Variants in PAPOLG observed in about 807,000 individuals in gnomAD.
The protein encoded by PAPOLG is poly(A) polymerase gamma.
Under a neutral mutation model 99.0 loss-of-function variants are expected in PAPOLG, and 40 were observed. The observed-to-expected ratio is 0.40, with a 90% CI of 0.31 to 0.53. The LOEUF is 0.53. PAPOLG is among the 20% of genes least tolerant of loss of function. PAPOLG has a pLI of 0.41. For synonymous variants in PAPOLG, 310 were observed against 299.3 expected (o/e 1.04, Z -0.37); for missense variants, 675 against 884.1 (o/e 0.76, Z 3.00).
At chr2:60,768,913 T>C in intron 5 of PAPOLG, 23 bp downstream of exon 5, 1 of 1,504,928 alleles carries the variant, frequency 6.6e-7, no homozygotes. Context: ...TGGCATTTAA[T>C]ATTTTGAATT....
At position 60,795,294 on chromosome 2, in the gene PAPOLG, A is replaced by G. The variant is rs1032703141; in HGVS notation, c.2112+274A>G. The G allele has an allele frequency of 1.2e-5, 7 of 567,520 alleles. No individual in the cohort carries two copies. The African/African-American group carries it at 1.3e-4, about 10-fold the overall frequency. 35.2% of individuals were successfully genotyped at this position (567,520 alleles called of 1,614,324 possible). On this transcript the variant is annotated intron_variant, in intron 21 of 21. Coordinates refer to ENST00000238714, the MANE Select transcript of PAPOLG (RefSeq NM_022894.4). ...CTTTGTTTTTTATCTTTAAAGAAGC[A>G]GTTGGATGCTCAGCACATTAATTTC...
Position 60,779,692 on chromosome 2 carries a change from G to A in PAPOLG, c.750G>A (p.Met250Ile). Residue 250 changes from methionine (M) to isoleucine (I), a missense_variant, in exon 9 of 22, where the codon ATG becomes ATA. Met to Ile is a conservative substitution (Grantham distance 10). This residue lies in a region of PAPOLG where 113 missense variants were observed against 231.5 expected (regional missense o/e 0.49). Coordinates refer to ENST00000238714, the MANE Select transcript of PAPOLG (RefSeq NM_022894.4). ...LGFLGGVSWAMLVARTCQLYP... is the reference protein window; with the variant it reads ...LGFLGGVSWAILVARTCQLYP... The stretch of plus-strand genomic sequence containing the variant: ...TCCTTGGTGGTGTCTCCTGGGCAAT[G>A]CTAGTTGCAAGAACTTGCCAATTGT... 6.2e-7 allele frequency: 1 copy of A among 1,613,808 alleles called. No individual in the cohort carries two copies. Among genetic ancestry groups the A allele is most frequent in the Non-Finnish European group, 8.5e-7 (1 of 1,179,720 alleles).
At chr2:60,789,033 T>G (rs571477236) in intron 15 of PAPOLG, among the ~76,000 whole-genome samples, 1 of 152,116 alleles carries the variant, frequency 6.6e-6, no homozygotes, top group African/African-American at 2.4e-5. Context: ...CGTAGGGACA[T>G]GGATGAAATT....
At chr2:60,795,711 C>T (rs1346001122) in intron 21 of PAPOLG, among the ~76,000 whole-genome samples, 2 of 151,322 alleles carry the variant, frequency 1.3e-5, no homozygotes, top group East Asian at 3.9e-4. Context: ...AACAGAATGG[C>T]CATTAAATAG....
At chr2:60,763,465 C>T (rs1194111070) in intron 3 of PAPOLG, among the ~76,000 whole-genome samples, 1 of 152,060 alleles carries the variant, frequency 6.6e-6, no homozygotes. Flanking sequence ...GATGTGGAAA[C>T]TGCAGATACG....
At chr2:60,780,287 T>C (rs571440754) in intron 9 of PAPOLG, among the ~76,000 whole-genome samples, 4 of 151,652 alleles carry the variant, frequency 2.6e-5, no homozygotes, top group Non-Finnish European at 4.4e-5. Flanking sequence ...CTTTTTTTTT[T>C]TTTTTTTAAT....
At chr2:60,782,585 G>A in intron 11 of PAPOLG, 101 bp from the exon 12 acceptor site, 2 of 1,354,852 alleles carry the variant, frequency 1.5e-6, no homozygotes, top group Non-Finnish European at 1.9e-6. Context: ...ATTTCGTCTG[G>A]TGGAGTTTGA....
At chr2:60,791,988 A>T in intron 16 of PAPOLG, 106 bp downstream of exon 16, 1 of 1,469,366 alleles carries the variant, frequency 6.8e-7, no homozygotes, top group Non-Finnish European at 9.2e-7. Context: ...AATAAGGAAG[A>T]TATAGGCAGT....
At position 60,779,770 on chromosome 2, in the gene PAPOLG, C is replaced by G; in HGVS notation, c.828C>G (p.Ser276=). 6.2e-7 allele frequency: 1 copy of G among 1,612,434 alleles called. No homozygotes were observed. Among genetic ancestry groups the G allele is most frequent in the Non-Finnish European group, 8.5e-7 (1 of 1,178,704 alleles). ...TTCATAAGTTCTTTTTAGTTTTTTC[C>G]AAGTGGTAAGTATTTACGTGTGTAC... ...TLVHKFFLVF[S]KWEWPNPVLL... is the part of the protein sequence containing the mutation. Residue 276 remains serine (S), a synonymous_variant, in exon 9 of 22, where the codon TCC becomes TCG. Coordinates refer to ENST00000238714, the MANE Select transcript of PAPOLG (RefSeq NM_022894.4).
Position 60,792,220 on chromosome 2 carries a change from C to G in PAPOLG, c.1610C>G (p.Thr537Ser). Residue 537 changes from threonine (T) to serine (S), a missense_variant, in exon 17 of 22, where the codon ACT (threonine) becomes AGT (serine). Coordinates refer to ENST00000238714, the MANE Select transcript of PAPOLG (RefSeq NM_022894.4). Reference protein sequence around the residue: ...DSSCLDSSRDTDNGTPFNSPA... With the variant: ...DSSCLDSSRDSDNGTPFNSPA... ...AGTTGTCTGGATAGCTCCAGAGACACTGATAATGGAACACCTTTTAATTCT... is the reference window on the plus strand; with the variant it reads ...AGTTGTCTGGATAGCTCCAGAGACAGTGATAATGGAACACCTTTTAATTCT... The G allele has an allele frequency of 6.2e-7, 1 of 1,609,452 alleles. No homozygotes were observed. The highest frequency in any genetic ancestry group is 1.1e-5 in the South Asian group (1 of 89,634).
Position 60,791,930 on chromosome 2 carries a change from G to T in PAPOLG, c.1518+48G>T, listed in dbSNP as rs758011390. On this transcript the variant is annotated intron_variant, in intron 16 of 21. Transcript: ENST00000238714. ...TCAGTATGGTTTTACTCAGACAAATGATCTGGGACCAAATTTGCATTCTAC... is the reference window on the plus strand; with the variant it reads ...TCAGTATGGTTTTACTCAGACAAATTATCTGGGACCAAATTTGCATTCTAC... 118 of 1,581,976 alleles carry T rather than the reference G, an allele frequency of 7.5e-5. 2 individuals carry two copies. The Admixed American group carries it at 2.1e-3, about 28-fold the overall frequency.
At chr2:60,778,262 C>G (rs1188047723) in intron 8 of PAPOLG, among the ~76,000 whole-genome samples, 2 of 152,178 alleles carry the variant, frequency 1.3e-5, no homozygotes, top group Non-Finnish European at 2.9e-5. Flanking sequence ...TCCTTCCACT[C>G]TAGCCTCCCG....
intron 15 of PAPOLG, among the ~76,000 whole-genome samples, chr2:60,787,823 G>A (rs1344794595): frequency 4.6e-5 from 7 of 152,126 alleles, no homozygotes; most frequent in South Asian, 2.1e-4. Context: ...AGGCAGAGGC[G>A]GGCAGATTAC....
Position 60,756,316 on chromosome 2 carries a change from T to C in PAPOLG, c.-163T>C, listed in dbSNP as rs1348351908. On this transcript the variant is annotated 5_prime_UTR_variant, in exon 1 of 22. Transcript: ENST00000238714. The stretch of plus-strand genomic sequence containing the variant: ...GTCATAAATAGAGCCGGTTTTGTGG[T>C]GTTTTCACTACTCGGTTGGATGCCT... 44 of 809,126 alleles carry C rather than the reference T, an allele frequency of 5.4e-5. No homozygotes were observed. The highest frequency in any genetic ancestry group is 8.0e-5 in the Non-Finnish European group (38 of 477,538). The allele number at this position is 809,126 out of a possible 1,614,324, so 50.1% of individuals were successfully genotyped here.
At chr2:60,788,356 C>CT (rs1671430033) in intron 15 of PAPOLG, among the ~76,000 whole-genome samples, 1 of 152,102 alleles carries the variant, frequency 6.6e-6, no homozygotes, top group South Asian at 2.1e-4. Flanking sequence ...GAGTCTCACT[C>CT]TGTCACCCAG....
chr2:60,796,228 T>C lies in PAPOLG; in HGVS notation c.2113-834T>C, dbSNP rs866677919. ...CCTTCCTTTTTTTTTTTTTTTTTTTTTTTTTTGGACATGGAGGCTCGCTCT... is the reference window on the plus strand; with the variant it reads ...CCTTCCTTTTTTTTTTTTTTTTTTTCTTTTTTGGACATGGAGGCTCGCTCT... On this transcript the variant is annotated intron_variant, in intron 21 of 21. Coordinates refer to ENST00000238714, the MANE Select transcript of PAPOLG (RefSeq NM_022894.4). Among the ~76,000 whole-genome samples the C allele has an allele frequency of 9.0e-4, 102 of 113,606 alleles. No individual in the cohort carries two copies. The Middle Eastern group carries it at 0.022, about 24-fold the overall frequency. 74.5% of individuals were successfully genotyped at this position (113,606 alleles called of 152,430 possible).
chr2:60,773,611 G>A (rs1670921765), intron 7 of PAPOLG, among the ~76,000 whole-genome samples: 1 of 151,496 alleles, frequency 6.6e-6, no homozygotes, highest in African/African-American at 2.4e-5. Flanking sequence ...GCATGATTTT[G>A]TACTATCATG....
chr2:60,770,177 A>G (rs565561105), intron 5 of PAPOLG, among the ~76,000 whole-genome samples: 2 of 152,364 alleles, frequency 1.3e-5, no homozygotes, highest in African/African-American at 4.8e-5. Context: ...TAAATTAGAT[A>G]CTGTAACAGG....
At chr2:60,787,167 TG>T (rs1458151910) in intron 14 of PAPOLG, 101 bp downstream of exon 14, 1 of 1,035,806 alleles carries the variant, frequency 9.7e-7, no homozygotes, top group African/African-American at 1.6e-5. Context: ...CAGGCATTGA[TG>T]GGAGTATGAC....
Sources: gnomAD v4.1 joint callset for allele counts (sites outside exome capture counted in the v4.1 genomes callset) on GRCh38, gnomAD v4.1.1 for gene constraint, gnomAD v4.1.1 regional missense constraint, MANE v1.5 for transcripts, NCBI Gene and HGNC (gene_info 2026-07-23, HGNC 2026-07-21) for gene names.